The following TTC21B variants were observed in gnomAD, a reference collection of about 807,000 sequenced individuals.
TTC21B encodes the protein tetratricopeptide repeat domain 21B, also known as tetratricopeptide repeat protein 21B.
TTC21B carries 127 observed loss-of-function variants against 175.1 expected under a neutral mutation model. The ratio of observed to expected loss-of-function variants is 0.73; its 90% CI spans 0.63 to 0.84. TTC21B has a LOEUF of 0.84. Among genes scored for constraint, TTC21B ranks in the 40% least tolerant of loss-of-function variants. The pLI is 0.00. For synonymous variants in TTC21B, 524 were observed against 524.5 expected (o/e 1.00, Z 0.01); for missense variants, 1,561 against 1,558.3 (o/e 1.00, Z -0.03).
At chr2:165,883,344 T>C (rs1330556070) in intron 26 of TTC21B, among the ~76,000 whole-genome samples, 2 of 152,142 alleles carry the variant, frequency 1.3e-5, no homozygotes, top group African/African-American at 2.4e-5. Context: ...AATTAAAAGC[T>C]GAAAAGATTT....
rs148333245 is a variant in TTC21B, at chr2:165,953,388, C to A, written c.21+297G>T. ...CCGGAGGCGCAGTGTCATAGGTAACCCAAGCTTTCCTAGTAAACATGATAC... is the reference window on the plus strand; with the variant it reads ...CCGGAGGCGCAGTGTCATAGGTAACACAAGCTTTCCTAGTAAACATGATAC... On this transcript the variant is annotated intron_variant, in intron 1 of 28. Transcript: ENST00000243344. Among the ~76,000 whole-genome samples the A allele has an allele frequency of 4.0e-3, 603 of 152,294 alleles. 5 individuals carry two copies. Among genetic ancestry groups the A allele is most frequent in the African/African-American group, 9.3e-3 (388 of 41,558 alleles).
chr2:165,897,780 C>CA (rs1685419281), intron 22 of TTC21B, among the ~76,000 whole-genome samples: 2 of 152,016 alleles, frequency 1.3e-5, no homozygotes, highest in Admixed American at 1.3e-4. Context: ...AAGAGAACTC[C>CA]AAAAAAGGAA....
intron 14 of TTC21B, among the ~76,000 whole-genome samples, chr2:165,916,124 T>G (rs1169798818): frequency 1.3e-5 from 2 of 152,092 alleles, no homozygotes; most frequent in Non-Finnish European, 2.9e-5. Context: ...ACAAAATATT[T>G]TAAAAACTAG....
chr2:165,880,860 G>A (rs1559036547), intron 26 of TTC21B, 61 bp from the exon 27 acceptor site: 20 of 1,544,290 alleles, frequency 1.3e-5, no homozygotes, highest in Admixed American at 3.4e-5. Context: ...TTTATGGGAT[G>A]TTTGTGACTA....
rs370197258 is a variant in TTC21B, at chr2:165,907,681, T to C, written c.2565A>G (p.Gln855=). 4 of 1,605,186 alleles carry C rather than the reference T, an allele frequency of 2.5e-6. No individual in the cohort carries two copies. Among genetic ancestry groups the C allele is most frequent in the African/African-American group, 1.3e-5 (1 of 74,794 alleles). ...EKLGDAITAL[Q]QARELQARVL... is the part of the protein sequence containing the mutation. ...ACTCACAGACAAATGTGTTTACCTG[T>C]TGTAATGCAGTGATCGCATCACCAA... Residue 855 remains glutamine, a synonymous_variant, in exon 19 of 29, where the codon CAA becomes CAG. Transcript: ENST00000243344.
chr2:165,881,282 T>C (rs1346682530), intron 26 of TTC21B, among the ~76,000 whole-genome samples: 2 of 152,204 alleles, frequency 1.3e-5, no homozygotes. Flanking sequence ...AAGACGTTAT[T>C]TAAACAGAAC....
rs61220248 is a variant in TTC21B at position 165,924,940 on chromosome 2, C to T, written c.1387-262G>A. 4.2e-3 allele frequency among the ~76,000 whole-genome samples: 605 copies of T among 142,946 alleles called. 22 individuals carry two copies. The East Asian group carries it at 0.076, about 18-fold the overall frequency. The allele number at this position is 142,946 out of a possible 152,430, so 93.8% of individuals were successfully genotyped here. A position where few individuals can be genotyped will look rare whatever the true frequency, so the allele number is the denominator to read the frequency against. On this transcript the variant is annotated intron_variant, in intron 11 of 28. Transcript: ENST00000243344. ...CTATTATACAATTCTAAATGGATAA[C>T]ATATCAAGTGGGTATTATCTATTCA...
intron 27 of TTC21B, among the ~76,000 whole-genome samples, chr2:165,879,403 T>C (rs1402360480): frequency 6.6e-6 from 1 of 152,260 alleles, no homozygotes; most frequent in Admixed American, 6.5e-5. Context: ...CATTAGTTTT[T>C]GTGCTTTGCA....
intron 28 of TTC21B, among the ~76,000 whole-genome samples, chr2:165,875,850 C>A (rs532590108): frequency 2.0e-5 from 3 of 151,292 alleles, no homozygotes; most frequent in Admixed American, 1.3e-4. Context: ...TCTTTTACTC[C>A]ACCTCTTTAA....
chr2:165,897,193 G>C (rs773559327), intron 22 of TTC21B, among the ~76,000 whole-genome samples: 1 of 152,116 alleles, frequency 6.6e-6, no homozygotes. Context: ...AATTTTCAGG[G>C]GTATCTCTGC....
At chr2:165,925,701 G>C (rs551879157) in intron 11 of TTC21B, among the ~76,000 whole-genome samples, 1 of 152,086 alleles carries the variant, frequency 6.6e-6, no homozygotes, top group Admixed American at 6.5e-5. Flanking sequence ...AATAAAATTT[G>C]GCACTGTATA....
At chr2:165,947,939 A>G (rs1349413606) in intron 3 of TTC21B, 2 of 152,232 alleles carry the variant, frequency 1.3e-5, no homozygotes, top group African/African-American at 4.8e-5. Context: ...AGAATAACCA[A>G]TTAAATAAAA....
At chr2:165,893,186 C>T (rs1271780970) in intron 22 of TTC21B, among the ~76,000 whole-genome samples, 2 of 152,066 alleles carry the variant, frequency 1.3e-5, no homozygotes, top group Admixed American at 6.6e-5. Flanking sequence ...ATAATATTGA[C>T]TGTAGGAGTG....
chr2:165,943,211 C>T lies in TTC21B; in HGVS notation c.552+8G>A, dbSNP rs1352645605. Reference sequence around the variant, plus strand: ...AAACATGATTTATTTACCCTAACTCCAACTCACCTTACCCAGCAGAGCAAA... The same window carrying T: ...AAACATGATTTATTTACCCTAACTCTAACTCACCTTACCCAGCAGAGCAAA... On this transcript the variant is annotated splice_region_variant and intron_variant, in intron 5 of 28. Coordinates refer to ENST00000243344, the MANE Select transcript of TTC21B (RefSeq NM_024753.5). 1 of 1,613,388 alleles carries T rather than the reference C, an allele frequency of 6.2e-7. No homozygotes were observed. The highest frequency in any genetic ancestry group is 1.1e-5 in the South Asian group (1 of 91,052).
At chr2:165,908,862 A>C (rs1685834618) in intron 18 of TTC21B, among the ~76,000 whole-genome samples, 1 of 152,148 alleles carries the variant, frequency 6.6e-6, no homozygotes, top group African/African-American at 2.4e-5. Context: ...CAAGTGTTTC[A>C]AAAGAAGATC....
intron 14 of TTC21B, among the ~76,000 whole-genome samples, chr2:165,916,953 T>A (rs1284308059): frequency 6.6e-6 from 1 of 152,182 alleles, no homozygotes; most frequent in Non-Finnish European, 1.5e-5. Flanking sequence ...CTCGGCTCAC[T>A]GCAACCTCCG....
chr2:165,918,485 CG>C (rs1466237065), intron 13 of TTC21B, among the ~76,000 whole-genome samples: 1 of 152,012 alleles, frequency 6.6e-6, no homozygotes, highest in Non-Finnish European at 1.5e-5. Flanking sequence ...TTAGTAGCGA[CG>C]GGTTTTCACT....
At chr2:165,891,639 TC>T (rs1239994673) in intron 22 of TTC21B, among the ~76,000 whole-genome samples, 2 of 152,054 alleles carry the variant, frequency 1.3e-5, no homozygotes, top group Non-Finnish European at 2.9e-5. Context: ...AGGTATAATT[TC>T]CTGGCAGGTT....
chr2:165,941,561 T>C (rs1266810093), intron 5 of TTC21B, among the ~76,000 whole-genome samples: 1 of 152,152 alleles, frequency 6.6e-6, no homozygotes, highest in Non-Finnish European at 1.5e-5. Context: ...AAATTTTGCA[T>C]CTTTTTTAAG....
Sources: allele counts gnomAD v4.1 joint callset (sites outside exome capture counted in the v4.1 genomes callset), GRCh38; gene constraint gnomAD v4.1.1; transcripts MANE v1.5; gene names NCBI Gene and HGNC (gene_info 2026-07-23, HGNC 2026-07-21).